The following IRAG2 variants were observed in gnomAD, a reference collection of about 807,000 sequenced individuals.
IRAG2 encodes the protein inositol 1,4,5-triphosphate receptor associated 2, also known as lymphoid restricted membrane protein.
In IRAG2, 45 loss-of-function variants were observed where a neutral mutation model predicts 69.9. That is an observed-to-expected ratio of 0.64 (90% CI 0.51 to 0.83). The LOEUF is 0.83. Ranked by LOEUF, IRAG2 falls within the 40% of genes least tolerant of loss-of-function variation. The probability of loss-of-function intolerance (pLI) is 0.00; values close to 1 mark genes in which losing one functional copy is unlikely to be tolerated. For missense variants in IRAG2, 520 were observed against 587.0 expected (o/e 0.89, Z 1.18); for synonymous variants, 193 against 202.4 (o/e 0.95, Z 0.40).
chr12:25,094,379 G>T (rs1948281039), intron 14 of IRAG2, among the ~76,000 whole-genome samples: 1 of 152,100 alleles, frequency 6.6e-6, no homozygotes, highest in Non-Finnish European at 1.5e-5. Flanking sequence ...CACCCTGGTT[G>T]AAGATCATTT....
chr12:25,107,094 G>A lies in IRAG2; in HGVS notation c.1256+44G>A, dbSNP rs192771660. ...AAATTCTACCATTTTAGTGGAATGG[G>A]AAAGGGTGAGGCAGGGCTGACAGTA... On this transcript the variant is annotated intron_variant, in intron 21 of 21. Coordinates refer to ENST00000556887, the MANE Select transcript of IRAG2 (RefSeq NM_001366544.2). 1.9e-3 allele frequency: 2,110 copies of A among 1,091,886 alleles called. 3 individuals are homozygous for A. The highest frequency in any genetic ancestry group is 2.5e-3 in the Non-Finnish European group (1,816 of 726,810). 67.6% of individuals were successfully genotyped at this position (1,091,886 alleles called of 1,614,324 possible).
chr12:25,055,073 A>G (rs1166864732), intron 1 of IRAG2, among the ~76,000 whole-genome samples: 1 of 152,244 alleles, frequency 6.6e-6, no homozygotes, highest in African/African-American at 2.4e-5. Context: ...ATAAATTCAC[A>G]AAGTATTTCA....
chr12:25,015,698 T>A (rs1944522097), intron 5 of IRAG2, among the ~76,000 whole-genome samples: 1 of 152,246 alleles, frequency 6.6e-6, no homozygotes, highest in Non-Finnish European at 1.5e-5. Flanking sequence ...GTGCTTTCTG[T>A]AGGGAAAAGT....
rs1165234703 is a variant in IRAG2 at position 25,107,846 on chromosome 12, A to T, written c.1286A>T (p.Asn429Ile). 1.2e-6 allele frequency: 2 copies of T among 1,613,770 alleles called. No individual in the cohort carries two copies. Among genetic ancestry groups the T allele is most frequent in the Non-Finnish European group, 1.7e-6 (2 of 1,179,646 alleles). Residue 429 changes from asparagine to isoleucine, a missense_variant, in exon 22 of 22, where the codon AAT becomes ATT. Asn to Ile is a moderately radical substitution (Grantham distance 149). Transcript: ENST00000556887. Reference protein sequence around the residue: ...VYDTIASWATNLKSSIRKANK... With the variant: ...VYDTIASWATILKSSIRKANK... ...GACACAATAGCTTCCTGGGCAACAA[A>T]TCTCAAGTCCTCCATCAGAAAGGCT... is the stretch of plus-strand genomic sequence containing the variant.
intron 2 of IRAG2, among the ~76,000 whole-genome samples, chr12:25,006,062 C>A (rs1292866918): frequency 1.3e-5 from 2 of 151,976 alleles, no homozygotes; most frequent in African/African-American, 4.8e-5. Flanking sequence ...AAAAAGTGGG[C>A]AAAGGACATG....
At chr12:25,107,492 AAAT>A (rs1196316613) in intron 21 of IRAG2, among the ~76,000 whole-genome samples, 1 of 152,180 alleles carries the variant, frequency 6.6e-6, no homozygotes, top group Non-Finnish European at 1.5e-5. Flanking sequence ...TCTACCCAGC[AAAT>A]AACATTTTTG....
chr12:25,099,439 A>G (rs1299262413), intron 15 of IRAG2, among the ~76,000 whole-genome samples: 1 of 152,200 alleles, frequency 6.6e-6, no homozygotes, highest in Non-Finnish European at 1.5e-5. Flanking sequence ...CTGAATTGTC[A>G]GAATATATTC....
chr12:25,046,980 A>G (rs1447182869), intron 16 of IRAG2, among the ~76,000 whole-genome samples: 1 of 152,208 alleles, frequency 6.6e-6, no homozygotes, highest in African/African-American at 2.4e-5. Flanking sequence ...AAAGACAGAT[A>G]TATAGACCAA....
chr12:25,036,626 T>G (rs1297673991), exon 15 of IRAG2: 1 of 398,838 alleles, frequency 2.5e-6, no homozygotes, highest in Non-Finnish European at 4.4e-6. Flanking sequence ...TTGAAAACTC[T>G]CGACGGTGGG....
chr12:25,004,283 G>A, upstream of IRAG2: 1 of 1,101,650 alleles, frequency 9.1e-7, no homozygotes, highest in African/African-American at 1.6e-5. Context: ...TTTTAAACAT[G>A]TATCTACTTT....
rs888350753 is a variant in IRAG2, at chr12:25,063,821, GC to G, written c.-207+11del. ...GCTGGTACACACCTCTGCTGGGTAAGCCCCCCTTCTATACCTGCTCAGACAC... is the reference window on the plus strand; with the variant it reads ...GCTGGTACACACCTCTGCTGGGTAAGCCCCCTTCTATACCTGCTCAGACAC... On this transcript the variant is annotated splice_donor_region_variant and intron_variant, in intron 4 of 21. Transcript: ENST00000556887. 117 of 398,996 alleles carry G rather than the reference GC, an allele frequency of 2.9e-4. No individual in the cohort carries two copies. The highest frequency in any genetic ancestry group is 2.0e-3 in the African/African-American group (99 of 48,744). The allele number at this position is 398,996 out of a possible 1,614,324, so 24.7% of individuals were successfully genotyped here. A position where few individuals can be genotyped will look rare whatever the true frequency, so the allele number is the denominator to read the frequency against.
chr12:25,070,172 A>G (rs1443081957), intron 6 of IRAG2, among the ~76,000 whole-genome samples: 3 of 152,226 alleles, frequency 2.0e-5, no homozygotes, highest in Admixed American at 6.5e-5. Context: ...GACTTTCAGT[A>G]TATTCACAGA....
chr12:25,015,923 C>T (rs1017876681), intron 5 of IRAG2, among the ~76,000 whole-genome samples: 3 of 152,132 alleles, frequency 2.0e-5, no homozygotes, highest in Admixed American at 6.5e-5. Context: ...GGGCTGGGCG[C>T]GGTGCCTCAC....
At chr12:25,016,436 G>A (rs1208285934) in intron 5 of IRAG2, among the ~76,000 whole-genome samples, 2 of 152,146 alleles carry the variant, frequency 1.3e-5, no homozygotes, top group African/African-American at 4.8e-5. Flanking sequence ...TCTAGGAACT[G>A]TTTCCTAGGT....
chr12:24,998,100 T>C, the IRAG2 span, among the ~76,000 whole-genome samples: 1 of 152,236 alleles, frequency 6.6e-6, no homozygotes, highest in Non-Finnish European at 1.5e-5. Flanking sequence ...AGGTCTTCTC[T>C]TGTTCTCTGA....
At chr12:25,048,274 C>G (rs552492450), upstream of IRAG2, among the ~76,000 whole-genome samples, 6 of 152,088 alleles carry the variant, frequency 3.9e-5, no homozygotes, top group East Asian at 1.2e-3. Flanking sequence ...AGTGTCTGTT[C>G]CTGTCCTTTG....
At chr12:25,058,924 C>T (rs1284660366) in intron 1 of IRAG2, among the ~76,000 whole-genome samples, 1 of 152,242 alleles carries the variant, frequency 6.6e-6, no homozygotes, top group Non-Finnish European at 1.5e-5. Flanking sequence ...CATAAGCCAA[C>T]TTGTTTTGCC....
rs1565593220 is a variant in IRAG2, at chr12:25,104,420, C to T, written c.1106C>T (p.Thr369Ile). The T allele has an allele frequency of 6.2e-7, 1 of 1,613,348 alleles. No individual in the cohort carries two copies. Among genetic ancestry groups the T allele is most frequent in the East Asian group, 2.2e-5 (1 of 44,830 alleles). The stretch of plus-strand genomic sequence containing the variant: ...CCCTCATTACCTCGATTTATTAGCA[C>T]CTATTCCTGGGCAGATGCTGAAGAA... ...HRPSLPRFIS[T>I]YSWADAEEEK... The change falls in exon 20 of 22, where the codon ACC becomes ATC. Residue 369 changes from threonine (T) to isoleucine (I), a missense_variant. Physicochemically the swap from Thr to Ile is moderately conservative, Grantham distance 89. Coordinates refer to ENST00000556887, the MANE Select transcript of IRAG2 (RefSeq NM_001366544.2).
At chr12:25,095,592 G>T (rs1262444431) in intron 14 of IRAG2, among the ~76,000 whole-genome samples, 1 of 151,966 alleles carries the variant, frequency 6.6e-6, no homozygotes, top group African/African-American at 2.4e-5. Flanking sequence ...CAGAGATATT[G>T]GTCTGTAGTT....
Sources: gnomAD v4.1 joint callset for allele counts (sites outside exome capture counted in the v4.1 genomes callset) on GRCh38, gnomAD v4.1.1 for gene constraint, MANE v1.5 for transcripts, NCBI Gene and HGNC (gene_info 2026-07-23, HGNC 2026-07-21) for gene names.